ABCA9: variants seen among roughly 807,000 people sequenced by gnomAD.
ABCA9 encodes ATP-binding cassette sub-family A member 9.
ABCA9 carries 183 observed loss-of-function variants against 205.3 expected under a neutral mutation model. That is an observed-to-expected ratio of 0.89 (90% confidence interval 0.79 to 1.01). The LOEUF (loss-of-function observed/expected upper bound fraction) is 1.01. Among genes scored for constraint, ABCA9 ranks in the 50% least tolerant of loss-of-function variants. The pLI is 0.00. For missense variants in ABCA9, 1,805 were observed against 1,912.4 expected (o/e 0.94, Z 1.05); for synonymous variants, 651 against 683.3 (o/e 0.95, Z 0.74).
intron 9 of ABCA9, 82 bp downstream of exon 9, chr17:69,033,644 T>A: frequency 8.2e-7 from 1 of 1,213,830 alleles, no homozygotes; most frequent in Non-Finnish European, 1.1e-6. Flanking sequence ...GCTTGCTAAT[T>A]TTTATTTAGT....
the ABCA9 span, among the ~76,000 whole-genome samples, chr17:69,070,102 T>C: frequency 6.6e-6 from 1 of 152,096 alleles, no homozygotes; most frequent in African/African-American, 2.4e-5. Context: ...GCACTAATGG[T>C]TCCAGAATGA....
rs772870876 is a variant in ABCA9 at position 68,990,938 on chromosome 17, C to T, written c.3736G>A (p.Ala1246Thr). Residue 1246 changes from alanine to threonine, a missense_variant, in exon 29 of 39, where the codon GCT becomes ACT. Physicochemically the swap from Ala to Thr is moderately conservative, Grantham distance 58 (BLOSUM62 0). Transcript: ENST00000340001. The stretch of plus-strand genomic sequence containing the variant: ...GGCTCTTCTGGGTTTGGAAAAATAG[C>T]GTTGCTTCTTGGAGAAATTCTGAAA... ...PVFRISPRSN[A>T]IFPNPEEPEG... 2.9e-5 allele frequency: 47 copies of T among 1,610,352 alleles called. 1 individual carries two copies. The highest frequency in any genetic ancestry group is 4.0e-5 in the African/African-American group (3 of 74,608).
At position 69,024,323 on chromosome 17, in the gene ABCA9, C is replaced by T; in HGVS notation, c.2172G>A (p.Glu724=). Residue 724 remains glutamate (E), a synonymous_variant, in exon 17 of 39, where the codon GAG becomes GAA. Transcript: ENST00000340001. The stretch of plus-strand genomic sequence containing the variant: ...GCTGCTTAACCAGTGATGTTATACT[C>T]TCTGGATCACACCTTTCATTCAGAT... The part of the protein sequence containing the change: ...SLHLNERCDP[E]SITSLVKQHI... The T allele has an allele frequency of 1.2e-6, 2 of 1,606,712 alleles. No homozygotes were observed. The highest frequency in any genetic ancestry group is 1.3e-5 in the African/African-American group (1 of 74,592).
chr17:69,063,399 CTG>C (rs2072303223), upstream of ABCA9, among the ~76,000 whole-genome samples: 1 of 152,180 alleles, frequency 6.6e-6, no homozygotes. Context: ...CTTCTCAACA[CTG>C]TGCAAAAACA....
intron 25 of ABCA9, among the ~76,000 whole-genome samples, chr17:68,999,372 C>T (rs1456270772): frequency 8.6e-5 from 12 of 139,264 alleles, no homozygotes; most frequent in South Asian, 2.5e-4. Context: ...TGAGAATATG[C>T]GGTGTTTGGT....
At chr17:68,976,298 G>A in intron 37 of ABCA9, 108 bp from the exon 38 acceptor site, 1 of 926,770 alleles carries the variant, frequency 1.1e-6, no homozygotes, top group South Asian at 1.5e-5. Flanking sequence ...AAAAGATAAG[G>A]TAATAAGTAT....
intron 25 of ABCA9, among the ~76,000 whole-genome samples, chr17:69,004,375 G>A (rs954350791): frequency 6.6e-6 from 1 of 152,188 alleles, no homozygotes; most frequent in African/African-American, 2.4e-5. Context: ...GGAGTACCCT[G>A]CAGTGTGAGG....
rs2070880782 is a variant in ABCA9, at chr17:69,023,254, T to G, written c.2281+960A>C. 1 of 152,232 alleles carries G rather than the reference T, an allele frequency of 6.6e-6. No individual in the cohort carries two copies. The highest frequency in any genetic ancestry group is 2.4e-5 in the African/African-American group (1 of 41,460). The allele number at this position is 152,232 out of a possible 1,614,324, so 9.4% of individuals were successfully genotyped here. A position where few individuals can be genotyped will look rare whatever the true frequency, so the allele number is the denominator to read the frequency against. On this transcript the variant is annotated intron_variant, in intron 17 of 38. Coordinates refer to ENST00000340001, the MANE Select transcript of ABCA9 (RefSeq NM_080283.4). This position sits in a 1 kb window ranked among gnomAD's most constrained non-coding sequence, Gnocchi z 4.2. ...CTGATGAAATACCATAGGTTCTGCA[T>G]GTCAGGTATTGTTCCAGTGCTTTAT...
rs1318188597 is a variant in ABCA9, at chr17:68,993,015, C to A, written c.3624+1G>T. 1.9e-6 allele frequency: 3 copies of A among 1,609,578 alleles called. No individual in the cohort carries two copies. Among genetic ancestry groups the A allele is most frequent in the Non-Finnish European group, 2.5e-6 (3 of 1,177,122 alleles). On this transcript the variant is annotated splice_donor_variant, in intron 27 of 38. Coordinates refer to ENST00000340001, the MANE Select transcript of ABCA9 (RefSeq NM_080283.4). LOFTEE classifies it high-confidence loss of function. Reference sequence around the variant, plus strand: ...AATGTTGAAAAAAAAAGTCTTCTTACTATTAGCAGTGCCAGGTATACAATT... The same window carrying A: ...AATGTTGAAAAAAAAAGTCTTCTTAATATTAGCAGTGCCAGGTATACAATT...
At chr17:68,989,256 T>TCTCTCACACACACACA (rs138281321) in intron 30 of ABCA9, 138 bp from the exon 31 acceptor site, 90 of 243,086 alleles carry the variant, frequency 3.7e-4, no homozygotes, top group South Asian at 7.7e-4. Context: ...TCTCTCTCTC[T>TCTCTCACACACACACA]CACACACACA....
intron 23 of ABCA9, among the ~76,000 whole-genome samples, chr17:69,011,539 T>G (rs957975816): frequency 6.6e-6 from 1 of 152,170 alleles, no homozygotes; most frequent in Non-Finnish European, 1.5e-5. Flanking sequence ...CGAATTTTAT[T>G]TTTTAAAAAC....
intron 8 of ABCA9, 134 bp from the exon 9 acceptor site, chr17:69,034,007 T>A: frequency 1.4e-6 from 1 of 691,246 alleles, no homozygotes; most frequent in Non-Finnish European, 2.3e-6. Context: ...CTCTGTCTAC[T>A]ATTATAGAAG....
chr17:68,985,731 G>T (rs2069210674), intron 32 of ABCA9, among the ~76,000 whole-genome samples: 1 of 152,132 alleles, frequency 6.6e-6, no homozygotes, highest in African/African-American at 2.4e-5. Flanking sequence ...AGGCCAAGGT[G>T]GGCAGATCAC....
chr17:69,037,945 C>T (rs557843532), intron 6 of ABCA9, among the ~76,000 whole-genome samples: 51 of 152,182 alleles, frequency 3.4e-4, no homozygotes, highest in African/African-American at 9.4e-4. Flanking sequence ...AACACCTCTA[C>T]GCAAATAAAC....
chr17:69,027,052 A>G lies in ABCA9; in HGVS notation c.1974T>C (p.Asn658=). 1 of 1,614,088 alleles carries G rather than the reference A, an allele frequency of 6.2e-7. No individual in the cohort carries two copies. Among genetic ancestry groups the G allele is most frequent in the Non-Finnish European group, 8.5e-7 (1 of 1,179,982 alleles). The change falls in exon 15 of 39, where the codon AAT becomes AAC. Residue 658 remains asparagine, a synonymous_variant. Transcript: ENST00000340001. ...LDPLSRHRIW[N]LLKEGKSDRV... ...TGTCTGATTTCCCCTCTTTCAGGAG[A>G]TTCCATATTCGGTGCCTTGAAAGAG...
chr17:69,063,747 T>C (rs547476091), upstream of ABCA9, among the ~76,000 whole-genome samples: 41 of 152,302 alleles, frequency 2.7e-4, no homozygotes, highest in African/African-American at 9.4e-4. Context: ...TAATTTTTTG[T>C]ATTTTTAGTA....
At chr17:69,071,631 T>C in the ABCA9 span, among the ~76,000 whole-genome samples, 8 of 152,082 alleles carry the variant, frequency 5.3e-5, no homozygotes, top group African/African-American at 1.7e-4. Context: ...TCCACGAAGA[T>C]GAGGAAAAAC....
At chr17:69,041,121 T>C (rs967094630) in intron 6 of ABCA9, among the ~76,000 whole-genome samples, 9 of 152,220 alleles carry the variant, frequency 5.9e-5, no homozygotes, top group Non-Finnish European at 1.0e-4. Context: ...GTGTCCACAA[T>C]GAACAGTTAG....
At chr17:69,069,728 G>C in the ABCA9 span, among the ~76,000 whole-genome samples, 1 of 151,350 alleles carries the variant, frequency 6.6e-6, no homozygotes, top group Non-Finnish European at 1.5e-5. Flanking sequence ...GTTTTATTCT[G>C]ATCTTCCGTT....
Sources: allele counts gnomAD v4.1 joint callset (sites outside exome capture counted in the v4.1 genomes callset), GRCh38; gene constraint gnomAD v4.1.1; non-coding constraint Gnocchi (gnomAD v3.1); transcripts MANE v1.5; gene names NCBI Gene and HGNC (gene_info 2026-07-23, HGNC 2026-07-21).